NR2E1: variants seen among roughly 807,000 people sequenced by gnomAD.
The protein encoded by NR2E1 is nuclear receptor TLX.
NR2E1 carries 5 observed loss-of-function variants against 43.6 expected under a neutral mutation model. The ratio of observed to expected loss-of-function variants is 0.11; its 90% CI spans 0.06 to 0.24. The LOEUF is 0.24. Among genes scored for constraint, NR2E1 ranks in the 10% least tolerant of loss-of-function variants. The pLI is 1.00. For synonymous variants in NR2E1, 191 were observed against 195.5 expected (o/e 0.98, Z 0.19); for missense variants, 287 against 496.7 (o/e 0.58, Z 4.01).
chr6:108,173,885 A>T (rs563681051), intron 2 of NR2E1, among the ~76,000 whole-genome samples: 1 of 152,348 alleles, frequency 6.6e-6, no homozygotes, highest in East Asian at 1.9e-4. Context: ...TTCAATGGCT[A>T]ATGTTTTTAC....
chr6:108,181,540 T>A lies in NR2E1; in HGVS notation c.890-6T>A. On this transcript the variant is annotated splice_polypyrimidine_tract_variant and splice_region_variant and intron_variant, in intron 7 of 8. Coordinates refer to ENST00000368986, the MANE Select transcript of NR2E1 (RefSeq NM_003269.5). Reference sequence around the variant, plus strand: ...TCTATCACAGTTTCCTGGTCTTCATTTCTAGTTCCTACACATAGTGGTTCT... The same window carrying A: ...TCTATCACAGTTTCCTGGTCTTCATATCTAGTTCCTACACATAGTGGTTCT... 6.2e-7 allele frequency: 1 copy of A among 1,611,604 alleles called. No individual in the cohort carries two copies. The highest frequency in any genetic ancestry group is 8.5e-7 in the Non-Finnish European group (1 of 1,177,730).
intron 1 of NR2E1, chr6:108,168,672 GC>G (rs1773754645): frequency 6.6e-6 from 1 of 152,468 alleles, no homozygotes; most frequent in African/African-American, 2.4e-5. Flanking sequence ...CTGCATTTAG[GC>G]CCTTTCCAGA....
intron 8 of NR2E1, among the ~76,000 whole-genome samples, chr6:108,182,397 G>T (rs1348658313): frequency 1.3e-5 from 2 of 151,210 alleles, no homozygotes; most frequent in African/African-American, 4.9e-5. Flanking sequence ...CTTTTTTTTT[G>T]AGACAGGGTC....
chr6:108,174,929 C>T lies in NR2E1; in HGVS notation c.259+6C>T. 6.2e-7 allele frequency: 1 copy of T among 1,612,348 alleles called. No homozygotes were observed. The highest frequency in any genetic ancestry group is 8.5e-7 in the Non-Finnish European group (1 of 1,178,384). ...AGTCAACATGAACAAAGACGGTAAT[C>T]AGTGCATCCCTTTATTCCAATGTTG... is the stretch of plus-strand genomic sequence containing the variant. On this transcript the variant is annotated splice_donor_region_variant and intron_variant, in intron 3 of 8. Transcript: ENST00000368986.
chr6:108,187,243 C>A, intron 8 of NR2E1, 58 bp from the exon 9 acceptor site: 2 of 1,572,244 alleles, frequency 1.3e-6, no homozygotes, highest in African/African-American at 1.3e-5. Context: ...AAGTGTAAGA[C>A]GTTAGTTTCC....
intron 3 of NR2E1, among the ~76,000 whole-genome samples, chr6:108,175,813 C>A (rs966742156): frequency 2.0e-5 from 3 of 152,226 alleles, no homozygotes; most frequent in Non-Finnish European, 4.4e-5. Context: ...GAGCGTCCAA[C>A]CTGTTGAACT....
chr6:108,174,517 C>G (rs892291345), intron 2 of NR2E1, among the ~76,000 whole-genome samples: 1 of 152,044 alleles, frequency 6.6e-6, no homozygotes, highest in Non-Finnish European at 1.5e-5. Flanking sequence ...GTTCCCCTAG[C>G]GAGAGCCCCG....
rs567937143 is a variant in NR2E1 at position 108,187,784 on chromosome 6, G to C, written c.*321G>C. 13 of 377,474 alleles carry C rather than the reference G, an allele frequency of 3.4e-5. No homozygotes were observed. In the East Asian group the frequency reaches 7.5e-4, roughly 22 times the overall value. The allele number at this position is 377,474 out of a possible 1,614,324, so 23.4% of individuals were successfully genotyped here. On this transcript the variant is annotated 3_prime_UTR_variant, in exon 9 of 9. Transcript: ENST00000368986. ...TCTTACCTGGAAGATCAGGCTGAAC[G>C]ATCAAAAGCTGAAACATAAGTAGTG... is the stretch of plus-strand genomic sequence containing the variant.
At chr6:108,182,920 C>T (rs1285537242) in intron 8 of NR2E1, among the ~76,000 whole-genome samples, 5 of 151,696 alleles carry the variant, frequency 3.3e-5, no homozygotes, top group Non-Finnish European at 7.4e-5. Flanking sequence ...AGGCTGGTCT[C>T]GAACTCCTGG....
chr6:108,176,076 GA>G (rs200459116), intron 3 of NR2E1: 3,787 of 175,256 alleles, frequency 0.022, 60 homozygotes, highest in Middle Eastern at 0.071. Flanking sequence ...GACGGAGCTG[GA>G]AAAGTCTGCG....
intron 8 of NR2E1, among the ~76,000 whole-genome samples, chr6:108,185,259 T>C (rs1425870321): frequency 1.3e-5 from 2 of 152,114 alleles, no homozygotes; most frequent in Non-Finnish European, 2.9e-5. Flanking sequence ...AATATGCAAA[T>C]CTGTAATAGA....
intron 1 of NR2E1, chr6:108,168,046 A>AG: frequency 6.2e-7 from 1 of 1,600,716 alleles, no homozygotes; most frequent in African/African-American, 1.3e-5. Context: ...GCTGGGGCAG[A>AG]GGGAGCAGAG....
chr6:108,176,433 G>A (rs1299358917), intron 3 of NR2E1, 70 bp from the exon 4 acceptor site: 5 of 1,497,016 alleles, frequency 3.3e-6, no homozygotes, highest in African/African-American at 2.7e-5. Flanking sequence ...CGGGGCTGGG[G>A]GGAGAGCCGC....
intron 4 of NR2E1, 60 bp from the exon 5 acceptor site, chr6:108,178,035 T>G: frequency 6.3e-7 from 1 of 1,583,920 alleles, no homozygotes; most frequent in Non-Finnish European, 8.7e-7. Flanking sequence ...AAAAGTTTGG[T>G]TCTTCTTGCA....
chr6:108,186,813 C>T (rs912176933), intron 8 of NR2E1, among the ~76,000 whole-genome samples: 16 of 152,010 alleles, frequency 1.1e-4, no homozygotes, highest in Admixed American at 7.9e-4. Flanking sequence ...TGGAATTATT[C>T]CTGAGAGAGA....
chr6:108,181,880 C>T lies in NR2E1; in HGVS notation c.995+229C>T, dbSNP rs867247213. On this transcript the variant is annotated intron_variant, in intron 8 of 8. Coordinates refer to ENST00000368986, the MANE Select transcript of NR2E1 (RefSeq NM_003269.5). ...GCCAGACATATTACAGTTGTCCTGG[C>T]GGAACAAATTGATCCATCAAAATAA... Among the ~76,000 whole-genome samples the T allele has an allele frequency of 8.4e-4, 127 of 152,046 alleles. 1 individual carries two copies. Among genetic ancestry groups the T allele is most frequent in the African/African-American group, 2.9e-3 (120 of 41,362 alleles).
intron 3 of NR2E1, 61 bp from the exon 4 acceptor site, chr6:108,176,442 G>T (rs773212387): frequency 5.9e-6 from 9 of 1,531,336 alleles, no homozygotes; most frequent in African/African-American, 1.4e-5. Flanking sequence ...GGGGAGAGCC[G>T]CAGCGGCTGT....
Position 108,185,937 on chromosome 6 carries a change from G to A in NR2E1, c.996-1364G>A, listed in dbSNP as rs150398057. 2.4e-4 allele frequency among the ~76,000 whole-genome samples: 36 copies of A among 152,282 alleles called. 1 individual carries two copies. The East Asian group carries it at 6.6e-3, about 28-fold the overall frequency. ...CCACGGGAAATGTTCAGCATGTTGG[G>A]TGGATGCTGCAGATGGCAGAGGTCG... is the stretch of plus-strand genomic sequence containing the variant. On this transcript the variant is annotated intron_variant, in intron 8 of 8. Coordinates refer to ENST00000368986, the MANE Select transcript of NR2E1 (RefSeq NM_003269.5).
chr6:108,174,430 C>A (rs1045400530), intron 2 of NR2E1, among the ~76,000 whole-genome samples: 3 of 152,132 alleles, frequency 2.0e-5, no homozygotes, highest in African/African-American at 4.8e-5. Flanking sequence ...AACTTAGTGG[C>A]CTCTTTCTCT....
Sources: allele counts gnomAD v4.1 joint callset (sites outside exome capture counted in the v4.1 genomes callset), GRCh38; gene constraint gnomAD v4.1.1; transcripts MANE v1.5; gene names NCBI Gene and HGNC (gene_info 2026-07-23, HGNC 2026-07-21).